The following SH3RF3 variants were observed in gnomAD, a reference collection of about 807,000 sequenced individuals.
SH3RF3 encodes the protein SH3 domain containing ring finger 3.
A neutral mutation model predicts 66.3 loss-of-function variants in SH3RF3; 29 were observed. The observed-to-expected ratio is 0.44, with a 90% confidence interval of 0.33 to 0.60. The LOEUF (loss-of-function observed/expected upper bound fraction) is 0.60. Ranked by LOEUF, SH3RF3 falls within the 20% of genes least tolerant of loss-of-function variation. SH3RF3 has a pLI of 0.04. For missense variants in SH3RF3, 1,194 were observed against 1,190.9 expected (o/e 1.00, Z -0.04); for synonymous variants, 583 against 532.0 (o/e 1.10, Z -1.32).
intron 9 of SH3RF3, among the ~76,000 whole-genome samples, chr2:109,501,177 A>G (rs9286348): frequency 0.36 from 54,700 of 151,858 alleles, 10,303 homozygotes; most frequent in Admixed American, 0.51. Context: ...GCCGCAGTCT[A>G]GGTGGGTGGG....
intron 8 of SH3RF3, among the ~76,000 whole-genome samples, chr2:109,488,622 G>A (rs1328559305): frequency 1.3e-5 from 2 of 152,122 alleles, no homozygotes; most frequent in African/African-American, 2.4e-5. Flanking sequence ...TTCCTTTCTA[G>A]TTTCTACCCA....
intron 1 of SH3RF3, among the ~76,000 whole-genome samples, chr2:109,167,698 A>T (rs1281688755): frequency 2.0e-5 from 3 of 152,146 alleles, no homozygotes. Flanking sequence ...CAGCCTCCCG[A>T]GTAGCTGGGA....
At chr2:109,286,093 A>G (rs554537935) in intron 1 of SH3RF3, among the ~76,000 whole-genome samples, 4 of 152,164 alleles carry the variant, frequency 2.6e-5, no homozygotes, top group African/African-American at 4.8e-5. Context: ...CTATCATTAC[A>G]TGGCAGTAGG....
intron 7 of SH3RF3, among the ~76,000 whole-genome samples, chr2:109,438,606 C>T (rs897002894): frequency 2.6e-5 from 4 of 152,208 alleles, no homozygotes; most frequent in Non-Finnish European, 4.4e-5. Context: ...ACCCCTGGCT[C>T]CAGGGCCCTG....
At chr2:109,305,380 G>A (rs1326009863) in intron 1 of SH3RF3, among the ~76,000 whole-genome samples, 3 of 152,116 alleles carry the variant, frequency 2.0e-5, no homozygotes, top group Non-Finnish European at 4.4e-5. Flanking sequence ...GCCCATACAG[G>A]TGTCTCGGGG....
intron 2 of SH3RF3, among the ~76,000 whole-genome samples, chr2:109,359,965 G>A (rs774802060): frequency 2.0e-5 from 3 of 151,446 alleles, no homozygotes; most frequent in Non-Finnish European, 4.4e-5. Context: ...GCAGATGACT[G>A]CAGAAAAATA....
At chr2:109,185,211 G>A (rs1034696811) in intron 1 of SH3RF3, among the ~76,000 whole-genome samples, 14 of 152,140 alleles carry the variant, frequency 9.2e-5, no homozygotes, top group Admixed American at 3.3e-4. Context: ...TTATTTTTCC[G>A]TATATTTATC....
chr2:109,396,244 A>G (rs192904743), intron 3 of SH3RF3, among the ~76,000 whole-genome samples: 2 of 152,336 alleles, frequency 1.3e-5, no homozygotes, highest in Non-Finnish European at 2.9e-5. Flanking sequence ...TCTGAGTAGC[A>G]CTTAGGAGGA....
chr2:109,430,649 TGGACTTTTC>T (rs1677182731), intron 5 of SH3RF3, among the ~76,000 whole-genome samples: 1 of 152,244 alleles, frequency 6.6e-6, no homozygotes, highest in African/African-American at 2.4e-5. Flanking sequence ...TCATTTTCAC[TGGACTTTTC>T]CCTTAGTGGT....
chr2:109,149,174 A>T (rs1192002430), intron 1 of SH3RF3, among the ~76,000 whole-genome samples: 1 of 152,012 alleles, frequency 6.6e-6, no homozygotes, highest in East Asian at 1.9e-4. Context: ...AGTGGGCAGG[A>T]CTCAGGGCAG....
chr2:109,406,658 C>T (rs1475374413), intron 4 of SH3RF3, among the ~76,000 whole-genome samples: 1 of 152,156 alleles, frequency 6.6e-6, no homozygotes, highest in Non-Finnish European at 1.5e-5. Flanking sequence ...TAGGCCATAA[C>T]AGAGATATTG....
chr2:109,247,930 G>C (rs372881634), intron 1 of SH3RF3, among the ~76,000 whole-genome samples: 3 of 152,166 alleles, frequency 2.0e-5, no homozygotes, highest in East Asian at 3.9e-4. Context: ...AACAAGAAAA[G>C]GCAGACTCCA....
At chr2:109,157,872 T>C (rs1418572866) in intron 1 of SH3RF3, among the ~76,000 whole-genome samples, 1 of 152,066 alleles carries the variant, frequency 6.6e-6, no homozygotes, top group African/African-American at 2.4e-5. Context: ...ACAGCTCTCC[T>C]AGGAGACCCT....
intron 1 of SH3RF3, among the ~76,000 whole-genome samples, chr2:109,181,913 C>T (rs992908001): frequency 2.0e-5 from 3 of 152,046 alleles, no homozygotes; most frequent in Non-Finnish European, 2.9e-5. Flanking sequence ...TTAGGCTTTA[C>T]TGTAGTTATA....
chr2:109,322,755 G>GCAAATAAGGATT (rs1391139845), intron 1 of SH3RF3, among the ~76,000 whole-genome samples: 1 of 152,168 alleles, frequency 6.6e-6, no homozygotes, highest in African/African-American at 2.4e-5. Flanking sequence ...TGCTTTTCCA[G>GCAAATAAGGATT]CAAATAAGGA....
rs913767024 is a variant in SH3RF3 at position 109,415,293 on chromosome 2, C to T, written c.1300-4246C>T. 3.3e-5 allele frequency among the ~76,000 whole-genome samples: 5 copies of T among 152,206 alleles called. No homozygotes were observed. In the East Asian group the frequency reaches 7.7e-4, roughly 23 times the overall value. ...CAGCAGCTGTGAGGAACTAACACCA[C>T]GGTGTGGTGGCTAAGCACGTGGCCT... On this transcript the variant is annotated intron_variant, in intron 4 of 9. Coordinates refer to ENST00000309415, the MANE Select transcript of SH3RF3 (RefSeq NM_001099289.3).
chr2:109,208,771 A>T lies in SH3RF3; in HGVS notation c.573+78658A>T, dbSNP rs75544486. 3.5e-3 allele frequency among the ~76,000 whole-genome samples: 529 copies of T among 152,346 alleles called. 2 individuals carry two copies. The highest frequency in any genetic ancestry group is 3.6e-3 in the Non-Finnish European group (245 of 68,028). ...TGTCAGAGGAAGTGAGGTCAAGGGAATCTTGCCCTAGAAATACATGTGTTG... is the reference window on the plus strand; with the variant it reads ...TGTCAGAGGAAGTGAGGTCAAGGGATTCTTGCCCTAGAAATACATGTGTTG... On this transcript the variant is annotated intron_variant, in intron 1 of 9. Transcript: ENST00000309415.
intron 1 of SH3RF3, among the ~76,000 whole-genome samples, chr2:109,255,010 A>G (rs1251571555): frequency 1.3e-5 from 2 of 152,136 alleles, no homozygotes; most frequent in Non-Finnish European, 2.9e-5. Flanking sequence ...GATCATTTGT[A>G]TCTGGAAAGA....
intron 3 of SH3RF3, among the ~76,000 whole-genome samples, chr2:109,395,759 T>C (rs6734704): frequency 0.55 from 84,283 of 152,074 alleles, 24,277 homozygotes; most frequent in African/African-American, 0.7. Context: ...GCACTGTGCT[T>C]CTGGCTGCTG....
Sources: allele counts gnomAD v4.1 joint callset (sites outside exome capture counted in the v4.1 genomes callset), GRCh38; gene constraint gnomAD v4.1.1; transcripts MANE v1.5; gene names NCBI Gene and HGNC (gene_info 2026-07-23, HGNC 2026-07-21).